OTOP1: variants seen among roughly 807,000 people sequenced by gnomAD.
OTOP1 encodes otopetrin 1.
OTOP1 carries 59 observed loss-of-function variants against 52.9 expected under a neutral mutation model. The observed-to-expected ratio is 1.12, with a 90% CI of 0.91 to 1.39. The LOEUF (loss-of-function observed/expected upper bound fraction) is 1.39. Among genes scored for constraint, OTOP1 ranks in the 40% most tolerant of loss-of-function variants. The probability of loss-of-function intolerance (pLI) is 0.00; values close to 1 mark genes in which losing one functional copy is unlikely to be tolerated. For synonymous variants in OTOP1, 317 were observed against 337.7 expected (o/e 0.94, Z 0.67); for missense variants, 761 against 800.9 (o/e 0.95, Z 0.60).
chr4:4,214,401 C>CA (rs978883850), intron 1 of OTOP1, among the ~76,000 whole-genome samples: 2 of 152,064 alleles, frequency 1.3e-5, no homozygotes, highest in African/African-American at 4.8e-5. Flanking sequence ...GGAGGGCCTT[C>CA]AAAAAATTCA....
intron 1 of OTOP1, among the ~76,000 whole-genome samples, chr4:4,224,981 C>G (rs1717393768): frequency 6.6e-6 from 1 of 152,216 alleles, no homozygotes; most frequent in African/African-American, 2.4e-5. Flanking sequence ...GGATCTTATC[C>G]AGTTTGAGAT....
Position 4,226,449 on chromosome 4 carries a change from C to A in OTOP1, c.403+13G>T, listed in dbSNP as rs1235550245. Reference sequence around the variant, plus strand: ...AGGAGGCGGAGACCCGCTCGCCCGGCGCCTGGACTCACCGCGCAGCCAGCC... The same window carrying A: ...AGGAGGCGGAGACCCGCTCGCCCGGAGCCTGGACTCACCGCGCAGCCAGCC... On this transcript the variant is annotated intron_variant, in intron 1 of 5. Coordinates refer to ENST00000296358, the MANE Select transcript of OTOP1 (RefSeq NM_177998.3). 6.9e-7 allele frequency: 1 copy of A among 1,450,362 alleles called. No individual in the cohort carries two copies. Among genetic ancestry groups the A allele is most frequent in the Non-Finnish European group, 9.0e-7 (1 of 1,107,318 alleles). 89.8% of individuals were successfully genotyped at this position (1,450,362 alleles called of 1,614,324 possible). A position where few individuals can be genotyped will look rare whatever the true frequency, so the allele number is the denominator to read the frequency against.
intron 2 of OTOP1, among the ~76,000 whole-genome samples, chr4:4,211,472 G>T (rs1255938035): frequency 6.6e-6 from 1 of 152,196 alleles, no homozygotes; most frequent in Non-Finnish European, 1.5e-5. Flanking sequence ...GGCAGAGCCT[G>T]CCATTTGCAA....
At chr4:4,191,295 T>C (rs1413343529) in intron 5 of OTOP1, among the ~76,000 whole-genome samples, 2 of 152,114 alleles carry the variant, frequency 1.3e-5, no homozygotes, top group Admixed American at 6.5e-5. Context: ...ACCATGGCGG[T>C]GGCCCCCTGC....
intron 2 of OTOP1, 22 bp from the exon 3 acceptor site, chr4:4,206,152 A>G: frequency 6.4e-7 from 1 of 1,572,500 alleles, no homozygotes; most frequent in Non-Finnish European, 8.7e-7. Flanking sequence ...TAAAGAAAGA[A>G]AAGAAAAATC....
rs1484449171 is a variant in OTOP1 at position 4,197,664 on chromosome 4, G to A, written c.1170C>T (p.Asp390=). 3.7e-6 allele frequency: 6 copies of A among 1,613,714 alleles called. No individual in the cohort carries two copies. The East Asian group carries it at 6.7e-5, about 18-fold the overall frequency. Reference sequence around the variant, plus strand: ...AGGCAGTGCCCACCAAGAGGTCCGAGTCCAGTTTGCGGGCCGGATTTTTGG... The same window carrying A: ...AGGCAGTGCCCACCAAGAGGTCCGAATCCAGTTTGCGGGCCGGATTTTTGG... The part of the protein sequence containing the change: ...DESKNPARKL[D]SDLLVGTASG... Residue 390 remains aspartate (D), a synonymous_variant, in exon 5 of 6, where the codon GAC becomes GAT. Transcript: ENST00000296358.
At chr4:4,210,593 G>C (rs1717004712) in intron 2 of OTOP1, among the ~76,000 whole-genome samples, 2 of 152,182 alleles carry the variant, frequency 1.3e-5, no homozygotes, top group Non-Finnish European at 2.9e-5. Flanking sequence ...TACTTTGGGA[G>C]GCCGAGGCAG....
At chr4:4,212,710 C>T (rs1485570758) in intron 2 of OTOP1, among the ~76,000 whole-genome samples, 158 bp downstream of exon 2, 1 of 152,190 alleles carries the variant, frequency 6.6e-6, no homozygotes, top group South Asian at 2.1e-4. Context: ...ATGGAGGCAG[C>T]TGAAGAACTA....
In OTOP1 at chr4:4,202,474, G is replaced by A; in HGVS notation, c.704C>T (p.Thr235Ile). Residue 235 changes from threonine to isoleucine, a missense_variant, in exon 4 of 6, where the codon ACT becomes ATT. Around this residue, in one of 3 missense-constraint regions of OTOP1, gnomAD observed 632 missense variants for 619.5 expected, o/e 1.02. Transcript: ENST00000296358. ...QLNEHKERLI[T>I]LGFGNITTVL... ...TGTTGTTATGTTCCCAAAACCCAGA[G>A]TGATGAGCCGTTCCTTGTGCTCATT... is the stretch of plus-strand genomic sequence containing the variant. The A allele has an allele frequency of 6.2e-7, 1 of 1,613,998 alleles. No individual in the cohort carries two copies. Among genetic ancestry groups the A allele is most frequent in the Admixed American group, 1.7e-5 (1 of 60,018 alleles).
intron 3 of OTOP1, among the ~76,000 whole-genome samples, chr4:4,203,092 TTGGCAGCTAGGCA>T (rs1233892922): frequency 6.6e-6 from 1 of 152,262 alleles, no homozygotes; most frequent in African/African-American, 2.4e-5. Context: ...CAGAGACTAC[TTGGCAGCTAGGCA>T]TGGCCATTCT....
chr4:4,208,142 C>T (rs947735306), intron 2 of OTOP1, among the ~76,000 whole-genome samples: 1 of 152,206 alleles, frequency 6.6e-6, no homozygotes, highest in Non-Finnish European at 1.5e-5. Flanking sequence ...GTCCTTTATC[C>T]TGTACCTGTG....
intron 3 of OTOP1, among the ~76,000 whole-genome samples, chr4:4,203,596 G>A (rs1264376534): frequency 6.6e-6 from 1 of 152,178 alleles, no homozygotes; most frequent in Non-Finnish European, 1.5e-5. Flanking sequence ...AGATCCATGG[G>A]GAATGCGGTC....
At chr4:4,189,390 C>A (rs1428050588) in intron 5 of OTOP1, among the ~76,000 whole-genome samples, 1 of 152,224 alleles carries the variant, frequency 6.6e-6, no homozygotes, top group Non-Finnish European at 1.5e-5. Context: ...ACACACTGTT[C>A]CCTGCTTCTC....
At chr4:4,191,514 C>G (rs1385077657) in intron 5 of OTOP1, among the ~76,000 whole-genome samples, 1 of 152,212 alleles carries the variant, frequency 6.6e-6, no homozygotes, top group Non-Finnish European at 1.5e-5. Flanking sequence ...CCACATGGCA[C>G]GCAGCCCTTC....
chr4:4,226,820 T>TGCA lies in OTOP1; in HGVS notation c.42_44dup (p.Ala15dup). ...CCGACGACCCTGCGACCGAGGCGCTTGCAGCTGCCCGGGGCGAGGCGGGCG... is the reference window on the plus strand; with the variant it reads ...CCGACGACCCTGCGACCGAGGCGCTTGCAGCAGCTGCCCGGGGCGAGGCGGGCG... On this transcript the variant is annotated inframe_insertion, in exon 1 of 6. Coordinates refer to ENST00000296358, the MANE Select transcript of OTOP1 (RefSeq NM_177998.3). 1 of 1,357,012 alleles carries TGCA rather than the reference T, an allele frequency of 7.4e-7. No homozygotes were observed. Among genetic ancestry groups the TGCA allele is most frequent in the South Asian group, 1.8e-5 (1 of 56,374 alleles). The allele number at this position is 1,357,012 out of a possible 1,614,324, so 84.1% of individuals were successfully genotyped here.
intron 1 of OTOP1, among the ~76,000 whole-genome samples, chr4:4,223,470 G>A (rs1717347641): frequency 1.3e-5 from 2 of 152,184 alleles, no homozygotes; most frequent in Non-Finnish European, 2.9e-5. Context: ...GATGATAGAA[G>A]CTCTGGGGAA....
chr4:4,191,785 G>A (rs1302303954), intron 5 of OTOP1, among the ~76,000 whole-genome samples: 1 of 152,148 alleles, frequency 6.6e-6, no homozygotes, highest in Non-Finnish European at 1.5e-5. Flanking sequence ...GCCTGCTGTT[G>A]CCTGGTTTGT....
intron 4 of OTOP1, among the ~76,000 whole-genome samples, chr4:4,201,654 T>C (rs1716791274): frequency 6.6e-6 from 1 of 152,076 alleles, no homozygotes; most frequent in Non-Finnish European, 1.5e-5. Flanking sequence ...CAGGACAGCC[T>C]GGGTTTACAA....
chr4:4,190,601 A>G (rs1053445488), intron 5 of OTOP1, among the ~76,000 whole-genome samples: 10 of 152,224 alleles, frequency 6.6e-5, no homozygotes, highest in African/African-American at 2.2e-4. Context: ...TAGCATTTAA[A>G]TTGTATTAGG....
Sources: allele counts gnomAD v4.1 joint callset (sites outside exome capture counted in the v4.1 genomes callset), GRCh38; gene constraint gnomAD v4.1.1; regional missense constraint gnomAD v4.1.1; transcripts MANE v1.5; gene names NCBI Gene and HGNC (gene_info 2026-07-23, HGNC 2026-07-21).